ACTN4: variants seen among roughly 807,000 people sequenced by gnomAD.
ACTN4 encodes the protein alpha-actinin-4.
Under a neutral mutation model 114.2 loss-of-function variants are expected in ACTN4, and 18 were observed. The ratio of observed to expected loss-of-function variants is 0.16; its 90% CI spans 0.11 to 0.23. The LOEUF is 0.23. Among genes scored for constraint, ACTN4 ranks in the 10% least tolerant of loss-of-function variants. ACTN4 has a pLI of 1.00. For synonymous variants in ACTN4, 515 were observed against 506.3 expected, an observed-to-expected ratio of 1.02 and a Z score of -0.23; for missense variants, 722 against 1,262.9, an observed-to-expected ratio of 0.57 and a Z score of 6.49.
At position 38,727,630 on chromosome 19, in the gene ACTN4, C is replaced by A. The variant is rs537260259; in HGVS notation, c.2338-316C>A. Reference sequence around the variant, plus strand: ...CCAAATCCCAAAGGCAAGGAGAACCCCCCCCCCGACCCTCCACCAGTCCTG... The same window carrying A: ...CCAAATCCCAAAGGCAAGGAGAACCACCCCCCCGACCCTCCACCAGTCCTG... On this transcript the variant is annotated intron_variant, in intron 18 of 20. Transcript: ENST00000252699. This position sits in a 1 kb window ranked among gnomAD's most constrained non-coding sequence, Gnocchi z 5.4. 3.6e-5 allele frequency among the ~76,000 whole-genome samples: 5 copies of A among 137,674 alleles called. No homozygotes were observed. In the South Asian group the frequency reaches 9.4e-4, roughly 26 times the overall value. The allele number at this position is 137,674 out of a possible 152,430, so 90.3% of individuals were successfully genotyped here.
At chr19:38,728,958 A>G (rs1969369181) in intron 19 of ACTN4, 38 bp from the exon 20 acceptor site, 1 of 1,611,082 alleles carries the variant, frequency 6.2e-7, no homozygotes, top group South Asian at 1.1e-5. Flanking sequence ...CTGCCCCACT[A>G]AATGTCGGGT....
Position 38,731,254 on chromosome 19 carries a change from C to T in ACTN4, c.*1822C>T. ...GGGAGGCTGCTTCTGAGCCCAGTGG[C>T]CCACAGGGAACCCACCTTGGCATTG... is the stretch of plus-strand genomic sequence containing the variant. On this transcript the variant is annotated 3_prime_UTR_variant, in exon 21 of 21. Transcript: ENST00000252699. The T allele has an allele frequency of 2.5e-6, 4 of 1,572,838 alleles. No individual in the cohort carries two copies. Among genetic ancestry groups the T allele is most frequent in the African/African-American group, 1.3e-5 (1 of 74,198 alleles).
intron 1 of ACTN4, among the ~76,000 whole-genome samples, chr19:38,668,332 A>G (rs1783255730): frequency 6.6e-6 from 1 of 152,188 alleles, no homozygotes; most frequent in East Asian, 1.9e-4. Context: ...CCCAGATACC[A>G]TATTAGGCTT....
rs1196759115 is a variant in ACTN4, at chr19:38,723,970, C to T, written c.1585C>T (p.Leu529=). ...GAAGCAGCTGGAGGCCATCGACCAG[C>T]TGCACCTGGAATACGCCAAGCGCGC... is the stretch of plus-strand genomic sequence containing the variant. ...TEKQLEAIDQ[L]HLEYAKRAAP... is the part of the protein sequence containing the mutation. Residue 529 remains leucine (L), a synonymous_variant, in exon 14 of 21, where the codon CTG becomes TTG. Coordinates refer to ENST00000252699, the MANE Select transcript of ACTN4 (RefSeq NM_004924.6). 3 of 1,613,662 alleles carry T rather than the reference C, an allele frequency of 1.9e-6. No homozygotes were observed. Among genetic ancestry groups the T allele is most frequent in the Admixed American group, 1.7e-5 (1 of 60,018 alleles).
At chr19:38,704,907 G>A (rs1445019652) in intron 3 of ACTN4, 27 bp from the exon 4 acceptor site, 21 of 1,606,460 alleles carry the variant, frequency 1.3e-5, no homozygotes, top group Non-Finnish European at 1.7e-5. Flanking sequence ...ACGACCTTCT[G>A]CCCTCTGCCC....
chr19:38,726,926 G>T (rs772151471), intron 17 of ACTN4, 31 bp from the exon 18 acceptor site: 2 of 1,612,734 alleles, frequency 1.2e-6, no homozygotes, highest in Non-Finnish European at 8.5e-7. Flanking sequence ...CACAGCACCC[G>T]GCCCACGATC....
rs1406311274 is a variant in ACTN4, at chr19:38,673,703, A to T, written c.162+25796A>T. Among the ~76,000 whole-genome samples the T allele has an allele frequency of 8.4e-5, 7 of 83,446 alleles. 1 individual carries two copies. The highest frequency in any genetic ancestry group is 3.2e-4 in the African/African-American group (7 of 21,984). The allele number at this position is 83,446 out of a possible 152,430, so 54.7% of individuals were successfully genotyped here. A position where few individuals can be genotyped will look rare whatever the true frequency, so the allele number is the denominator to read the frequency against. ...ATATTTATATATATTATATATATTT[A>T]TATATTTATATATTTATATATACTT... On this transcript the variant is annotated intron_variant, in intron 1 of 20. Coordinates refer to ENST00000252699, the MANE Select transcript of ACTN4 (RefSeq NM_004924.6).
intron 16 of ACTN4, among the ~76,000 whole-genome samples, chr19:38,725,223 C>T (rs975186780): frequency 7.9e-5 from 12 of 152,166 alleles, no homozygotes; most frequent in African/African-American, 2.9e-4. Flanking sequence ...TCGTTTAAAC[C>T]CAGCAAGCCT....
chr19:38,721,398 A>T, intron 11 of ACTN4, 140 bp from the exon 12 acceptor site: 1 of 1,037,978 alleles, frequency 9.6e-7, no homozygotes, highest in East Asian at 2.5e-5. Context: ...AGATTCTGGA[A>T]GTTTCCATGC....
intron 6 of ACTN4, among the ~76,000 whole-genome samples, chr19:38,708,892 G>A (rs1458307516): frequency 6.6e-6 from 1 of 152,218 alleles, no homozygotes; most frequent in Admixed American, 6.5e-5. Context: ...GTGAGCAAGA[G>A]AGCTGGGCCC....
Position 38,650,268 on chromosome 19 carries a change from G to A in ACTN4, c.162+2361G>A, listed in dbSNP as rs575584536. On this transcript the variant is annotated intron_variant, in intron 1 of 20. Coordinates refer to ENST00000252699, the MANE Select transcript of ACTN4 (RefSeq NM_004924.6). ...CCTCAAGTGACTCCTTTTGCGAGCC[G>A]GGTTTCACTCCCTCCCGAGAGTTAG... Among the ~76,000 whole-genome samples the A allele has an allele frequency of 3.2e-4, 48 of 152,168 alleles. 2 individuals are homozygous for A. Among genetic ancestry groups the A allele is most frequent in the South Asian group, 1.0e-3 (5 of 4,814 alleles).
In ACTN4 at chr19:38,708,209, G is replaced by C. The variant is rs1968523500; in HGVS notation, c.651+14G>C. The C allele has an allele frequency of 6.2e-7, 1 of 1,613,894 alleles. No homozygotes were observed. The highest frequency in any genetic ancestry group is 2.2e-5 in the East Asian group (1 of 44,882). On this transcript the variant is annotated intron_variant, in intron 6 of 20. Transcript: ENST00000252699. ...AAGCTGAGGAAGGTGAGTGTCTCCA[G>C]CTCCCCTTGATGGCCCACAGACGTG...
chr19:38,718,102 C>T lies in ACTN4; in HGVS notation c.1291+28C>T, dbSNP rs749109401. The T allele has an allele frequency of 3.8e-6, 6 of 1,587,506 alleles. No homozygotes were observed. In the South Asian group the frequency reaches 6.9e-5, roughly 18 times the overall value. Reference sequence around the variant, plus strand: ...ACGGCCCAGCTCTGCCCCACTCTGCCCAGCCCCGCTCCCGTGCTCCCCTCC... The same window carrying T: ...ACGGCCCAGCTCTGCCCCACTCTGCTCAGCCCCGCTCCCGTGCTCCCCTCC... On this transcript the variant is annotated intron_variant, in intron 11 of 20. Transcript: ENST00000252699.
intron 19 of ACTN4, chr19:38,728,492 C>T (rs1969339502): frequency 1.3e-6 from 1 of 762,988 alleles, no homozygotes; most frequent in Admixed American, 2.4e-5. Flanking sequence ...CTTCCTCGTC[C>T]TCGGGGACAC....
Position 38,729,370 on chromosome 19 carries a change from G to A in ACTN4, c.2674G>A (p.Val892Met), listed in dbSNP as rs144140192. The A allele has an allele frequency of 1.1e-5, 17 of 1,612,544 alleles. No individual in the cohort carries two copies. The highest frequency in any genetic ancestry group is 6.7e-5 in the East Asian group (3 of 44,846). Residue 892 changes from valine to methionine, a missense_variant, in exon 21 of 21, where the codon GTG (valine) becomes ATG (methionine). Coordinates refer to ENST00000252699, the MANE Select transcript of ACTN4 (RefSeq NM_004924.6). ...RMAPYQGPDA[V>M]PGALDYKSFS... ...GGCGCCATACCAGGGCCCTGACGCC[G>A]TGCCCGGTGCCCTCGACTACAAGTC...
Position 38,727,751 on chromosome 19 carries a change from G to A in ACTN4, c.2338-195G>A. On this transcript the variant is annotated intron_variant, in intron 18 of 20. Coordinates refer to ENST00000252699, the MANE Select transcript of ACTN4 (RefSeq NM_004924.6). This position sits in a 1 kb window ranked among gnomAD's most constrained non-coding sequence, Gnocchi z 5.4. Reference sequence around the variant, plus strand: ...GCCTTCCTTTGAGCTTCCGAGGTTGGGGAAAGGATGAAAGGGGCCCGTGCC... The same window carrying A: ...GCCTTCCTTTGAGCTTCCGAGGTTGAGGAAAGGATGAAAGGGGCCCGTGCC... The A allele has an allele frequency of 1.6e-6, 1 of 609,672 alleles. No homozygotes were observed. The highest frequency in any genetic ancestry group is 2.9e-6 in the Non-Finnish European group (1 of 342,208). 37.8% of individuals were successfully genotyped at this position (609,672 alleles called of 1,614,324 possible).
Position 38,723,545 on chromosome 19 carries a change from G to A in ACTN4, c.1443-69G>A. The A allele has an allele frequency of 9.2e-6, 11 of 1,198,338 alleles. No individual in the cohort carries two copies. In the South Asian group the frequency reaches 1.4e-4, roughly 15 times the overall value. The allele number at this position is 1,198,338 out of a possible 1,614,324, so 74.2% of individuals were successfully genotyped here. ...AACACCCTGGCCTGGGAACCTTGGG[G>A]GTAGATGGGTCCAATCCATCTAGCC... On this transcript the variant is annotated intron_variant, in intron 12 of 20. Transcript: ENST00000252699.
chr19:38,686,188 C>T (rs887958487), intron 1 of ACTN4, among the ~76,000 whole-genome samples: 1 of 152,162 alleles, frequency 6.6e-6, no homozygotes, highest in Non-Finnish European at 1.5e-5. Flanking sequence ...TCCCCAAATG[C>T]CAAAGGCCTC....
rs1555826155 is a variant in ACTN4 at position 38,673,517 on chromosome 19, T to TCATATATATTTATA, written c.162+25610_162+25611insCATATATATTTATA. ...TATATTTATATATATGAATATATAT[T>TCATATATATTTATA]TATATATATTCATATATACTTATAT... On this transcript the variant is annotated intron_variant, in intron 1 of 20. Transcript: ENST00000252699. Among the ~76,000 whole-genome samples, 3 of 80,398 alleles carry TCATATATATTTATA rather than the reference T, an allele frequency of 3.7e-5. No individual in the cohort carries two copies. In the South Asian group the frequency reaches 1.1e-3, roughly 29 times the overall value. The allele number at this position is 80,398 out of a possible 152,430, so 52.7% of individuals were successfully genotyped here. A position where few individuals can be genotyped will look rare whatever the true frequency, so the allele number is the denominator to read the frequency against.
Sources: gnomAD v4.1 joint callset for allele counts (sites outside exome capture counted in the v4.1 genomes callset) on GRCh38, gnomAD v4.1.1 for gene constraint, Gnocchi (gnomAD v3.1) non-coding constraint, MANE v1.5 for transcripts, NCBI Gene and HGNC (gene_info 2026-07-23, HGNC 2026-07-21) for gene names.